The following DHX37 variants were observed in gnomAD, a reference collection of about 807,000 sequenced individuals.
The protein encoded by DHX37 is probable ATP-dependent RNA helicase DHX37.
In DHX37, 52 loss-of-function variants were observed where a neutral mutation model predicts 134.3. The observed-to-expected ratio is 0.39, with a 90% CI of 0.31 to 0.49. The LOEUF is 0.49. Among genes scored for constraint, DHX37 ranks in the 20% least tolerant of loss-of-function variants. The pLI, the probability that DHX37 is intolerant of heterozygous loss-of-function variation, is 0.93. For missense variants in DHX37, 1,344 were observed against 1,580.8 expected (o/e 0.85, Z 2.54); for synonymous variants, 634 against 670.7 (o/e 0.95, Z 0.85).
intron 5 of DHX37, among the ~76,000 whole-genome samples, chr12:124,976,006 CAGG>C (rs1368210379): frequency 6.6e-6 from 1 of 152,230 alleles, no homozygotes; most frequent in African/African-American, 2.4e-5. Flanking sequence ...TTTGTGCAAA[CAGG>C]GTGGTTTATG....
chr12:124,988,991 T>G lies in DHX37; in HGVS notation c.32A>C (p.Lys11Thr). Residue 11 changes from lysine to threonine, a missense_variant, in exon 1 of 27, where the codon AAG (lysine) becomes ACG (threonine). Physicochemically the swap from Lys to Thr is moderately conservative, Grantham distance 78. This residue lies in a region of DHX37 where 319 missense variants were observed against 296.1 expected (regional missense o/e 1.08). Coordinates refer to ENST00000308736, the MANE Select transcript of DHX37 (RefSeq NM_032656.4). ...TCCGGGGCCCGCCTGCTGGCGCCCC[T>G]TGATGTTGTAGCGCCGGCGCAGCTT... MGKLRRRYNI[K>T]GRQQAGPGPS... The G allele has an allele frequency of 7.3e-7, 1 of 1,369,538 alleles. No individual in the cohort carries two copies. Among genetic ancestry groups the G allele is most frequent in the Non-Finnish European group, 9.5e-7 (1 of 1,053,844 alleles). 84.8% of individuals were successfully genotyped at this position (1,369,538 alleles called of 1,614,324 possible).
intron 2 of DHX37, among the ~76,000 whole-genome samples, chr12:124,983,555 C>T (rs151159902): frequency 0.023 from 3,548 of 151,696 alleles, 122 homozygotes; most frequent in African/African-American, 0.081. Context: ...GAGGCCGAGG[C>T]GGGTGGATCA....
chr12:124,976,314 T>C (rs962917280), intron 5 of DHX37, among the ~76,000 whole-genome samples: 5 of 152,210 alleles, frequency 3.3e-5, no homozygotes, highest in Admixed American at 1.3e-4. Context: ...CAGGATAACA[T>C]GCTGAGTCCT....
intron 1 of DHX37, among the ~76,000 whole-genome samples, chr12:124,988,195 A>G (rs1247997332): frequency 6.6e-6 from 1 of 151,918 alleles, no homozygotes; most frequent in East Asian, 1.9e-4. Context: ...TCTCCCGTAG[A>G]GAAAAAGCCC....
intron 2 of DHX37, among the ~76,000 whole-genome samples, chr12:124,984,298 C>T (rs531540236): frequency 1.3e-5 from 2 of 152,246 alleles, no homozygotes; most frequent in East Asian, 3.9e-4. Flanking sequence ...TCGGGGAGGC[C>T]GAGGCAGGTG....
chr12:124,988,754 C>T (rs1954921489), intron 1 of DHX37, among the ~76,000 whole-genome samples, 163 bp downstream of exon 1: 1 of 151,960 alleles, frequency 6.6e-6, no homozygotes, highest in South Asian at 2.1e-4. Context: ...TAGGCTGTCA[C>T]TAAGCCCCTC....
chr12:124,985,507 C>A (rs991165276), intron 2 of DHX37, among the ~76,000 whole-genome samples: 2 of 149,290 alleles, frequency 1.3e-5, no homozygotes, highest in African/African-American at 5.0e-5. Flanking sequence ...GAGGCCGAGG[C>A]GGGCGGATCA....
Position 124,966,878 on chromosome 12 carries a change from T to A in DHX37, c.1505A>T (p.Glu502Val), listed in dbSNP as rs1456062679. 8 of 1,614,126 alleles carry A rather than the reference T, an allele frequency of 5.0e-6. No individual in the cohort carries two copies. The highest frequency in any genetic ancestry group is 6.8e-6 in the Non-Finnish European group (8 of 1,180,050). ...AFPPSRARPQ[E>V]KDDDQKDSVE... is the part of the protein sequence containing the mutation. ...CGAGTCTTTCTGATCGTCGTCCTTT[T>A]CTGGGAGAGGGGCAGGTTGGGGAGA... The change falls in exon 12 of 27, where the codon GAA (glutamate) becomes GTA (valine). Residue 502 changes from glutamate (E) to valine (V), a missense_variant and splice_region_variant. By Grantham distance (121) the Glu-to-Val change is moderately radical. Transcript: ENST00000308736.
At chr12:124,983,915 C>T (rs571081505) in intron 2 of DHX37, among the ~76,000 whole-genome samples, 7 of 152,302 alleles carry the variant, frequency 4.6e-5, no homozygotes, top group African/African-American at 9.6e-5. Flanking sequence ...ACAGCTCCCA[C>T]GTGCAGTGGC....
At chr12:124,983,209 C>T (rs919006591) in intron 2 of DHX37, among the ~76,000 whole-genome samples, 3 of 151,982 alleles carry the variant, frequency 2.0e-5, no homozygotes, top group African/African-American at 4.8e-5. Context: ...CCTGGGTTCA[C>T]GCCATTCTCC....
chr12:124,953,990 AC>A lies in DHX37; in HGVS notation c.2584del (p.Val862TrpfsTer24). The A allele has an allele frequency of 6.2e-7, 1 of 1,613,590 alleles. No homozygotes were observed. Among genetic ancestry groups the A allele is most frequent in the Non-Finnish European group, 8.5e-7 (1 of 1,179,964 alleles). ...LGDLMVLLGA[V>X]GACEYASCTP... ...GCAGCTGGCATACTCACAGGCTCCC[AC>A]GGCGCCTGGGGAACGAAGAGGGGGC... On this transcript the variant is annotated frameshift_variant, in exon 20 of 27. Transcript: ENST00000308736. LOFTEE classifies it high-confidence loss of function.
At chr12:124,975,986 G>A (rs755775787) in intron 5 of DHX37, among the ~76,000 whole-genome samples, 63 of 152,348 alleles carry the variant, frequency 4.1e-4, no homozygotes, top group Admixed American at 2.7e-3. Flanking sequence ...GGCCCACTGT[G>A]CCCAGCCTGT....
intron 16 of DHX37, 71 bp downstream of exon 16, chr12:124,960,241 G>T: frequency 6.4e-7 from 1 of 1,560,804 alleles, no homozygotes; most frequent in Non-Finnish European, 8.7e-7. Flanking sequence ...CCAGCTCTGG[G>T]CTCCCTGCCT....
chr12:124,977,889 A>G (rs1468005228), intron 4 of DHX37, among the ~76,000 whole-genome samples: 1 of 151,966 alleles, frequency 6.6e-6, no homozygotes, highest in Non-Finnish European at 1.5e-5. Flanking sequence ...GGCTTTCTAC[A>G]TTTTTTCCTG....
chr12:124,980,463 C>G lies in DHX37; in HGVS notation c.738+27G>C. 1 of 1,601,148 alleles carries G rather than the reference C, an allele frequency of 6.2e-7. No individual in the cohort carries two copies. Among genetic ancestry groups the G allele is most frequent in the South Asian group, 1.1e-5 (1 of 89,896 alleles). The stretch of plus-strand genomic sequence containing the variant: ...CGCCCCTTGCCCGCTAACCTAGATT[C>G]TTAATCACAAACACGGGGTGGCGAA... On this transcript the variant is annotated intron_variant, in intron 4 of 26. Transcript: ENST00000308736. The surrounding 1 kb of genome is among the most constrained non-coding windows in gnomAD (Gnocchi z 5.3).
In DHX37 at chr12:124,948,118, T is replaced by G; in HGVS notation, c.3354A>C (p.Glu1118Asp). 6.2e-7 allele frequency: 1 copy of G among 1,614,220 alleles called. No homozygotes were observed. Among genetic ancestry groups the G allele is most frequent in the Non-Finnish European group, 8.5e-7 (1 of 1,180,030 alleles). The change falls in exon 26 of 27, where the codon GAA becomes GAC. Residue 1118 changes from glutamate (E) to aspartate (D), a missense_variant. Around this residue, in one of 7 missense-constraint regions of DHX37, gnomAD observed 558 missense variants for 650.0 expected, o/e 0.86. Transcript: ENST00000308736. ...ALVAEKADCHEALLAAWKKNP... is the reference protein window; with the variant it reads ...ALVAEKADCHDALLAAWKKNP... The stretch of plus-strand genomic sequence containing the variant: ...TTTTCTTCCAAGCAGCCAGCAAGGC[T>G]TCATGGCAGTCAGCCTTCTCTGCAA...
chr12:124,965,875 T>G (rs1954376399), intron 12 of DHX37, 63 bp from the exon 13 acceptor site: 1 of 1,566,302 alleles, frequency 6.4e-7, no homozygotes, highest in Non-Finnish European at 8.7e-7. Flanking sequence ...ACGTGGCACG[T>G]GCAGGAAGAC....
chr12:124,960,567 G>A (rs532663616), intron 15 of DHX37, 144 bp from the exon 16 acceptor site: 20 of 1,371,154 alleles, frequency 1.5e-5, no homozygotes, highest in Middle Eastern at 2.1e-4. Flanking sequence ...CAGCAGGCAC[G>A]GTGCTTTACC....
At position 124,980,903 on chromosome 12, in the gene DHX37, A is replaced by G; in HGVS notation, c.390-65T>C. 5 of 1,509,394 alleles carry G rather than the reference A, an allele frequency of 3.3e-6. No homozygotes were observed. The South Asian group carries it at 6.1e-5, about 18-fold the overall frequency. The allele number at this position is 1,509,394 out of a possible 1,614,324, so 93.5% of individuals were successfully genotyped here. On this transcript the variant is annotated intron_variant, in intron 3 of 26. Coordinates refer to ENST00000308736, the MANE Select transcript of DHX37 (RefSeq NM_032656.4). The surrounding 1 kb of genome is among the most constrained non-coding windows in gnomAD (Gnocchi z 5.3). ...CTCAATCCCAGAGGTCAGGACTCCA[A>G]GGCCATACCCCTTTCTGCCTCAGGG...
Sources: gnomAD v4.1 joint callset for allele counts (sites outside exome capture counted in the v4.1 genomes callset) on GRCh38, gnomAD v4.1.1 for gene constraint, gnomAD v4.1.1 regional missense constraint, Gnocchi (gnomAD v3.1) non-coding constraint, MANE v1.5 for transcripts, NCBI Gene and HGNC (gene_info 2026-07-23, HGNC 2026-07-21) for gene names.